GRM7: variants seen among roughly 807,000 people sequenced by gnomAD.
GRM7 encodes glutamate metabotropic receptor 7.
GRM7 carries 35 observed loss-of-function variants against 84.5 expected under a neutral mutation model. The observed-to-expected ratio is 0.41, with a 90% CI of 0.32 to 0.55. The LOEUF (loss-of-function observed/expected upper bound fraction) is 0.55. Among genes scored for constraint, GRM7 ranks in the 20% least tolerant of loss-of-function variants. The pLI, the probability that GRM7 is intolerant of heterozygous loss-of-function variation, is 0.19. For missense variants in GRM7, 1,003 were observed against 1,194.6 expected, an observed-to-expected ratio of 0.84 and a Z score of 2.36; for synonymous variants, 487 against 455.1, an observed-to-expected ratio of 1.07 and a Z score of -0.89.
chr3:7,243,516 C>T (rs891789744), intron 2 of GRM7, among the ~76,000 whole-genome samples: 1 of 152,046 alleles, frequency 6.6e-6, no homozygotes, highest in African/African-American at 2.4e-5. Context: ...ATAAAACTTT[C>T]CTAGAGTTTC....
Position 6,861,732 on chromosome 3 carries a change from C to T in GRM7, c.344C>T (p.Ala115Val). ...GACACTTGTTCCAGGGACACTTACG[C>T]GCTCGAACAGTCGCTTACTTTCGTC... is the stretch of plus-strand genomic sequence containing the variant. ...ILDTCSRDTY[A>V]LEQSLTFVQA... is the part of the protein sequence containing the mutation. Residue 115 changes from alanine (A) to valine (V), a missense_variant, in exon 1 of 10, where the codon GCG (alanine) becomes GTG (valine). Transcript: ENST00000357716. The surrounding 1 kb of genome is among the most constrained non-coding windows in gnomAD (Gnocchi z 6.4). 1 of 1,614,234 alleles carries T rather than the reference C, an allele frequency of 6.2e-7. No homozygotes were observed. Among genetic ancestry groups the T allele is most frequent in the Non-Finnish European group, 8.5e-7 (1 of 1,180,042 alleles).
At chr3:7,551,694 A>G (rs1693486485) in intron 7 of GRM7, among the ~76,000 whole-genome samples, 1 of 151,980 alleles carries the variant, frequency 6.6e-6, no homozygotes, top group Admixed American at 6.6e-5. Context: ...AGCTATAAAT[A>G]TCAATTTTTC....
chr3:7,198,486 A>G (rs1408320810), intron 2 of GRM7, among the ~76,000 whole-genome samples: 1 of 152,134 alleles, frequency 6.6e-6, no homozygotes, highest in African/African-American at 2.4e-5. Context: ...ATGCTCCTTG[A>G]CTTATAATGG....
intron 1 of GRM7, among the ~76,000 whole-genome samples, chr3:7,088,584 A>G (rs535413970): frequency 1.9e-4 from 28 of 149,544 alleles, no homozygotes; most frequent in Admixed American, 1.5e-3. Flanking sequence ...CTTGGTTACA[A>G]CCTCTCCACT....
At chr3:7,633,907 G>A (rs182167052) in intron 8 of GRM7, among the ~76,000 whole-genome samples, 85 of 152,246 alleles carry the variant, frequency 5.6e-4, no homozygotes, top group Admixed American at 1.2e-3. Flanking sequence ...ACCTTGGGGT[G>A]TACAAATAAC....
rs1429325987 is a variant in GRM7 at position 6,861,757 on chromosome 3, C to A, written c.369C>A (p.Val123=). The change falls in exon 1 of 10, where the codon GTC becomes GTA. Residue 123 remains valine (V), a synonymous_variant. Coordinates refer to ENST00000357716, the MANE Select transcript of GRM7 (RefSeq NM_000844.4). This position sits in a 1 kb window ranked among gnomAD's most constrained non-coding sequence, Gnocchi z 6.4. ...TYALEQSLTF[V]QALIQKDTSD... is the part of the protein sequence containing the mutation. ...CGCTCGAACAGTCGCTTACTTTCGTCCAGGCGCTCATCCAGAAGGACACCT... is the reference window on the plus strand; with the variant it reads ...CGCTCGAACAGTCGCTTACTTTCGTACAGGCGCTCATCCAGAAGGACACCT... 1 of 1,614,100 alleles carries A rather than the reference C, an allele frequency of 6.2e-7. No individual in the cohort carries two copies. The highest frequency in any genetic ancestry group is 8.5e-7 in the Non-Finnish European group (1 of 1,180,046).
chr3:7,313,937 A>G (rs1700494471), intron 4 of GRM7, among the ~76,000 whole-genome samples: 1 of 146,452 alleles, frequency 6.8e-6, no homozygotes, highest in South Asian at 2.2e-4. Flanking sequence ...AGAGAGAGAG[A>G]TTTAATATTT....
intron 7 of GRM7, among the ~76,000 whole-genome samples, chr3:7,554,982 T>A (rs1693688938): frequency 6.6e-6 from 1 of 152,082 alleles, no homozygotes; most frequent in East Asian, 1.9e-4. Flanking sequence ...AGAAAGGGCA[T>A]CTCCCAGGAA....
chr3:6,931,104 G>T (rs1216421859), intron 1 of GRM7, among the ~76,000 whole-genome samples: 1 of 152,124 alleles, frequency 6.6e-6, no homozygotes, highest in African/African-American at 2.4e-5. Context: ...ACTAGCTCTT[G>T]CCCCTGTCAA....
At chr3:7,722,377 G>A (rs1369415029) in intron 9 of GRM7, among the ~76,000 whole-genome samples, 1 of 151,478 alleles carries the variant, frequency 6.6e-6, no homozygotes, top group Non-Finnish European at 1.5e-5. Flanking sequence ...TTTCAGATGA[G>A]AAAATCAAGG....
At chr3:7,152,413 G>A (rs898626096) in intron 2 of GRM7, among the ~76,000 whole-genome samples, 2 of 152,088 alleles carry the variant, frequency 1.3e-5, no homozygotes, top group African/African-American at 4.8e-5. Context: ...TTCCACAGAG[G>A]ATCAAGTAAA....
intron 1 of GRM7, among the ~76,000 whole-genome samples, chr3:6,982,836 G>A (rs1390774871): frequency 6.6e-6 from 1 of 152,094 alleles, no homozygotes; most frequent in Non-Finnish European, 1.5e-5. Context: ...TTGTCAAATA[G>A]TATTTTATTT....
At chr3:6,939,138 T>C (rs1697799113) in intron 1 of GRM7, among the ~76,000 whole-genome samples, 1 of 152,180 alleles carries the variant, frequency 6.6e-6, no homozygotes, top group South Asian at 2.1e-4. Context: ...AATGCAACCT[T>C]TTTTTAGATA....
chr3:7,547,484 G>A (rs1693221840), intron 7 of GRM7, among the ~76,000 whole-genome samples: 1 of 152,132 alleles, frequency 6.6e-6, no homozygotes, highest in South Asian at 2.1e-4. Context: ...GGGATTACAG[G>A]CGTGGGCCAC....
At chr3:7,247,547 T>C (rs1049325136) in intron 2 of GRM7, among the ~76,000 whole-genome samples, 3 of 148,346 alleles carry the variant, frequency 2.0e-5, no homozygotes, top group African/African-American at 7.5e-5. Context: ...TGCAATGAGC[T>C]ATGATTGTGC....
chr3:7,443,025 C>G (rs910809204), intron 5 of GRM7, among the ~76,000 whole-genome samples: 2 of 150,692 alleles, frequency 1.3e-5, no homozygotes, highest in Non-Finnish European at 3.0e-5. Flanking sequence ...TCCTCATTTT[C>G]TTTTCCATCC....
chr3:7,199,950 A>T (rs1432601899), intron 2 of GRM7, among the ~76,000 whole-genome samples: 1 of 152,192 alleles, frequency 6.6e-6, no homozygotes, highest in African/African-American at 2.4e-5. Context: ...AAAAGGAAAG[A>T]GGTTTATTTA....
intron 2 of GRM7, among the ~76,000 whole-genome samples, chr3:7,198,448 T>C (rs1228259023): frequency 2.0e-5 from 3 of 152,180 alleles, no homozygotes; most frequent in African/African-American, 4.8e-5. Context: ...TAAAAACTCA[T>C]CTAGCTCTAC....
At chr3:7,504,776 TA>T (rs1699990540) in intron 7 of GRM7, among the ~76,000 whole-genome samples, 1 of 152,202 alleles carries the variant, frequency 6.6e-6, no homozygotes, top group Admixed American at 6.5e-5. Flanking sequence ...TTTCAACAAA[TA>T]AACTTTGGAA....
Sources: allele counts gnomAD v4.1 joint callset (sites outside exome capture counted in the v4.1 genomes callset), GRCh38; gene constraint gnomAD v4.1.1; non-coding constraint Gnocchi (gnomAD v3.1); transcripts MANE v1.5; gene names NCBI Gene and HGNC (gene_info 2026-07-23, HGNC 2026-07-21).